The following SPAM1 variants were observed in gnomAD, a reference collection of about 807,000 sequenced individuals.
SPAM1 encodes hyaluronidase PH-20.
A neutral mutation model predicts 29.6 loss-of-function variants in SPAM1; 22 were observed. The ratio of observed to expected loss-of-function variants is 0.74; its 90% CI spans 0.53 to 1.06. SPAM1 has a LOEUF of 1.06. SPAM1 is among the 50% of genes least tolerant of loss of function. The pLI, the probability that SPAM1 is intolerant of heterozygous loss-of-function variation, is 0.00. For synonymous variants in SPAM1, 194 were observed against 204.6 expected (o/e 0.95, Z 0.44); for missense variants, 534 against 604.0 (o/e 0.88, Z 1.21).
intron 2 of SPAM1, among the ~76,000 whole-genome samples, chr7:123,950,809 T>G (rs1283994692): frequency 6.6e-6 from 1 of 152,146 alleles, no homozygotes; most frequent in Non-Finnish European, 1.5e-5. Flanking sequence ...GATTGGTAGT[T>G]CTATTTTTAG....
chr7:123,965,971 T>A (rs1424482942), intron 5 of SPAM1, among the ~76,000 whole-genome samples: 1 of 151,882 alleles, frequency 6.6e-6, no homozygotes, highest in Admixed American at 6.6e-5. Context: ...GAAACTATCA[T>A]CAAAGGAACA....
downstream of SPAM1, among the ~76,000 whole-genome samples, chr7:123,960,988 T>G (rs186053377): frequency 9.9e-5 from 15 of 152,022 alleles, no homozygotes; most frequent in African/African-American, 3.6e-4. Context: ...TTGAACCACT[T>G]GTATAGTCTT....
At chr7:123,965,712 G>A (rs549357967) in intron 5 of SPAM1, among the ~76,000 whole-genome samples, 35 of 152,108 alleles carry the variant, frequency 2.3e-4, no homozygotes, top group Non-Finnish European at 2.5e-4. Flanking sequence ...TAGCCTTGTT[G>A]TATAGTTTGA....
intron 1 of SPAM1, among the ~76,000 whole-genome samples, chr7:123,946,511 T>C (rs567958236): frequency 6.6e-6 from 1 of 152,270 alleles, no homozygotes; most frequent in East Asian, 1.9e-4. Context: ...TTGCCAAGGT[T>C]AAGGACGTGC....
chr7:123,955,924 A>T (rs1263412449), intron 4 of SPAM1, among the ~76,000 whole-genome samples: 1 of 151,884 alleles, frequency 6.6e-6, no homozygotes, highest in East Asian at 1.9e-4. Flanking sequence ...GTAAATTCTT[A>T]ATTTTTATTA....
chr7:123,926,778 G>C (rs563401155), intron 1 of SPAM1, among the ~76,000 whole-genome samples: 2 of 152,134 alleles, frequency 1.3e-5, no homozygotes, highest in African/African-American at 2.4e-5. Flanking sequence ...ACCTGGGATC[G>C]ATAGAAAGGA....
intron 1 of SPAM1, among the ~76,000 whole-genome samples, chr7:123,941,065 G>A (rs564194251): frequency 3.9e-5 from 6 of 152,258 alleles, no homozygotes; most frequent in South Asian, 2.1e-4. Flanking sequence ...TTTCAAAAGA[G>A]TAATTAAATA....
chr7:123,968,236 C>T (rs911555917), intron 5 of SPAM1, among the ~76,000 whole-genome samples: 2 of 152,018 alleles, frequency 1.3e-5, no homozygotes, highest in African/African-American at 4.8e-5. Context: ...TATACACCCA[C>T]TTATAATTAT....
downstream of SPAM1, among the ~76,000 whole-genome samples, chr7:123,961,572 A>G (rs1792359728): frequency 2.0e-5 from 3 of 151,928 alleles, no homozygotes; most frequent in African/African-American, 7.2e-5. Context: ...TCATCTGTTG[A>G]TGGACATTTA....
At chr7:123,934,013 T>TA (rs1808172904) in intron 1 of SPAM1, among the ~76,000 whole-genome samples, 1 of 152,190 alleles carries the variant, frequency 6.6e-6, no homozygotes, top group Non-Finnish European at 1.5e-5. Flanking sequence ...CATGAATACC[T>TA]ACCATTGTGT....
chr7:123,962,265 A>T (rs1440665164), downstream of SPAM1, among the ~76,000 whole-genome samples: 2 of 151,834 alleles, frequency 1.3e-5, no homozygotes, highest in Non-Finnish European at 2.9e-5. Context: ...TTCCCTGATG[A>T]TTAGTAAAGA....
downstream of SPAM1, among the ~76,000 whole-genome samples, chr7:123,963,264 T>C (rs564277400): frequency 1.3e-5 from 2 of 151,868 alleles, no homozygotes; most frequent in African/African-American, 4.8e-5. Context: ...GTTCACCTGA[T>C]AGGTGAAAAT....
intron 1 of SPAM1, among the ~76,000 whole-genome samples, chr7:123,936,659 T>C (rs1808251871): frequency 6.6e-6 from 1 of 152,180 alleles, no homozygotes; most frequent in Non-Finnish European, 1.5e-5. Flanking sequence ...GTTCTCCCCC[T>C]CCCTTCTTCC....
At chr7:123,943,815 C>T (rs894530283) in intron 1 of SPAM1, among the ~76,000 whole-genome samples, 5 of 151,924 alleles carry the variant, frequency 3.3e-5, no homozygotes, top group African/African-American at 9.7e-5. Context: ...ATTAAAAAAA[C>T]GAAAGCAGAA....
At chr7:123,956,607 C>G (rs947062940) in intron 4 of SPAM1, among the ~76,000 whole-genome samples, 1 of 151,896 alleles carries the variant, frequency 6.6e-6, no homozygotes, top group African/African-American at 2.4e-5. Context: ...TTGTTAATCA[C>G]TGCCATTATT....
At chr7:123,950,071 A>T (rs897168942) in intron 2 of SPAM1, 88 bp downstream of exon 2, 38 of 152,214 alleles carry the variant, frequency 2.5e-4, no homozygotes, top group African/African-American at 8.7e-4. Context: ...AGCAAGGAAG[A>T]CACTTAAAAA....
At chr7:123,926,336 G>A (rs140036001) in intron 1 of SPAM1, among the ~76,000 whole-genome samples, 164 of 152,188 alleles carry the variant, frequency 1.1e-3, no homozygotes, top group Non-Finnish European at 1.9e-3. Flanking sequence ...AAAAGGCACG[G>A]ACCACAGACT....
intron 4 of SPAM1, among the ~76,000 whole-genome samples, chr7:123,958,360 A>C (rs1256347316): frequency 6.6e-6 from 1 of 152,058 alleles, no homozygotes; most frequent in African/African-American, 2.4e-5. Context: ...CTCAAGATGA[A>C]GATGAATCAT....
intron 5 of SPAM1, among the ~76,000 whole-genome samples, chr7:123,965,598 A>G (rs1198666580): frequency 6.6e-6 from 1 of 152,014 alleles, no homozygotes; most frequent in Non-Finnish European, 1.5e-5. Flanking sequence ...GGTTTGTTGA[A>G]GATCAGATGG....
Sources: gnomAD v4.1 joint callset for allele counts (sites outside exome capture counted in the v4.1 genomes callset) on GRCh38, gnomAD v4.1.1 for gene constraint, MANE v1.5 for transcripts, NCBI Gene and HGNC (gene_info 2026-07-23, HGNC 2026-07-21) for gene names.